Variants in SGCE observed in about 807,000 individuals in gnomAD.
The protein encoded by SGCE is sarcoglycan epsilon.
Under a neutral mutation model 57.8 loss-of-function variants are expected in SGCE, and 26 were observed. The observed-to-expected ratio is 0.45, with a 90% CI of 0.33 to 0.62. The LOEUF is 0.62. Among genes scored for constraint, SGCE ranks in the 20% least tolerant of loss-of-function variants. The pLI, the probability that SGCE is intolerant of heterozygous loss-of-function variation, is 0.02. For missense variants in SGCE, 468 were observed against 548.6 expected, an observed-to-expected ratio of 0.85 and a Z score of 1.47; for synonymous variants, 183 against 189.5, an observed-to-expected ratio of 0.97 and a Z score of 0.28.
chr7:94,639,733 T>C (rs1282074168), intron 1 of SGCE, among the ~76,000 whole-genome samples: 1 of 152,168 alleles, frequency 6.6e-6, no homozygotes, highest in Non-Finnish European at 1.5e-5. Flanking sequence ...CACACACACA[T>C]ATATAATAAA....
At chr7:94,652,356 A>G (rs1007540240) in intron 1 of SGCE, among the ~76,000 whole-genome samples, 12 of 152,342 alleles carry the variant, frequency 7.9e-5, no homozygotes, top group African/African-American at 2.9e-4. Flanking sequence ...AGCAAAAAAG[A>G]AAAAGGAAGA....
At position 94,631,298 on chromosome 7, in the gene SGCE, C is replaced by CTT. The variant is rs570209453; in HGVS notation, c.110-1459_110-1458dup. Reference sequence around the variant, plus strand: ...AAATAGTAAAGATGAGAATTTTATACTTTTTTTTTTTTACCAGTTTGATAC... The same window carrying CTT: ...AAATAGTAAAGATGAGAATTTTATACTTTTTTTTTTTTTTACCAGTTTGATAC... On this transcript the variant is annotated intron_variant, in intron 1 of 10. Coordinates refer to ENST00000648936, the MANE Select transcript of SGCE (RefSeq NM_003919.3). Among the ~76,000 whole-genome samples, 42 of 146,370 alleles carry CTT rather than the reference C, an allele frequency of 2.9e-4. No homozygotes were observed. In the East Asian group the frequency reaches 6.3e-3, roughly 22 times the overall value.
chr7:94,622,719 C>T (rs1803004285), intron 4 of SGCE: 1 of 151,704 alleles, frequency 6.6e-6, no homozygotes, highest in Non-Finnish European at 1.5e-5. Flanking sequence ...TCTGAGAATA[C>T]TTCCTTATCC....
chr7:94,651,969 T>C (rs1386061604), intron 1 of SGCE, among the ~76,000 whole-genome samples: 1 of 152,128 alleles, frequency 6.6e-6, no homozygotes, highest in Non-Finnish European at 1.5e-5. Context: ...ACTGCTACTT[T>C]AGGCTTAATA....
intron 10 of SGCE, chr7:94,586,744 C>T (rs1241668838): frequency 4.7e-5 from 31 of 665,032 alleles, no homozygotes; most frequent in Admixed American, 1.3e-4. Context: ...TCAGGTGATC[C>T]GCCTGCCTTG....
intron 9 of SGCE, chr7:94,590,983 C>T (rs1047588607): frequency 6.6e-6 from 1 of 151,924 alleles, no homozygotes; most frequent in Non-Finnish European, 1.5e-5. Flanking sequence ...AAAGATATTA[C>T]TAGGGAAATA....
At chr7:94,628,134 C>A (rs539038580) in intron 3 of SGCE, 68 bp downstream of exon 3, 42 of 1,075,512 alleles carry the variant, frequency 3.9e-5, no homozygotes, top group Middle Eastern at 4.9e-4. Context: ...ACTCAAATTA[C>A]AATACACACA....
chr7:94,628,179 T>C (rs1327603277), intron 3 of SGCE, 23 bp downstream of exon 3: 1 of 1,588,480 alleles, frequency 6.3e-7, no homozygotes. Flanking sequence ...TGTATAGTTT[T>C]GCTCTTTCTA....
At chr7:94,591,424 T>G (rs1462716387) in intron 9 of SGCE, among the ~76,000 whole-genome samples, 1 of 152,136 alleles carries the variant, frequency 6.6e-6, no homozygotes. Context: ...CCTTACCATC[T>G]CTAGCTCTAC....
At position 94,615,365 on chromosome 7, in the gene SGCE, A is replaced by G. The variant is rs552138191; in HGVS notation, c.662+3393T>C. On this transcript the variant is annotated intron_variant, in intron 5 of 10. Transcript: ENST00000648936. ...CAGAGCAAGACTCTGTCTCAAAATA[A>G]ATAGATAGATAGATAGATAGATAGA... Among the ~76,000 whole-genome samples, 50 of 142,310 alleles carry G rather than the reference A, an allele frequency of 3.5e-4. 1 individual carries two copies. The highest frequency in any genetic ancestry group is 1.2e-3 in the African/African-American group (46 of 37,902). The allele number at this position is 142,310 out of a possible 152,430, so 93.4% of individuals were successfully genotyped here.
chr7:94,600,977 T>TA, intron 6 of SGCE, 120 bp from the exon 7 acceptor site: 1 of 821,178 alleles, frequency 1.2e-6, no homozygotes, highest in South Asian at 1.5e-5. Context: ...CTTTTCCAAT[T>TA]ACTTTATCAC....
chr7:94,590,440 A>G (rs1443736030), intron 9 of SGCE: 1 of 152,132 alleles, frequency 6.6e-6, no homozygotes, highest in African/African-American at 2.4e-5. Flanking sequence ...AAGAACCATC[A>G]TATTTTGTTT....
intron 5 of SGCE, among the ~76,000 whole-genome samples, chr7:94,606,927 C>T (rs765238750): frequency 6.6e-6 from 1 of 151,984 alleles, no homozygotes; most frequent in Non-Finnish European, 1.5e-5. Context: ...AAAAATGAAA[C>T]CATAACTTAT....
intron 9 of SGCE, among the ~76,000 whole-genome samples, chr7:94,593,505 A>C (rs1425638977): frequency 6.6e-6 from 1 of 151,962 alleles, no homozygotes; most frequent in Non-Finnish European, 1.5e-5. Flanking sequence ...TATAATAATA[A>C]ATTATTTTTT....
intron 3 of SGCE, chr7:94,624,108 G>A (rs1435977567): frequency 7.6e-6 from 3 of 394,446 alleles, no homozygotes; most frequent in Non-Finnish European, 1.3e-5. Flanking sequence ...AAAACTTAAG[G>A]CCTATTTAAC....
intron 1 of SGCE, among the ~76,000 whole-genome samples, chr7:94,632,181 A>T (rs1449455441): frequency 6.6e-6 from 1 of 152,004 alleles, no homozygotes; most frequent in African/African-American, 2.4e-5. Context: ...AGGTGGTAAA[A>T]GCTAGCTAAC....
intron 3 of SGCE, chr7:94,624,162 CAAA>C (rs11331999): frequency 1.0e-3 from 355 of 349,464 alleles, no homozygotes; most frequent in Middle Eastern, 1.4e-3. Flanking sequence ...TGCAGTACCT[CAAA>C]AAAAAAAAAA....
intron 1 of SGCE, among the ~76,000 whole-genome samples, chr7:94,649,961 T>C (rs184452615): frequency 2.3e-4 from 35 of 152,328 alleles, no homozygotes; most frequent in African/African-American, 7.9e-4. Flanking sequence ...AAAGGGGTCC[T>C]GTAAGGAAGC....
Position 94,656,117 on chromosome 7 carries a change from G to C in SGCE, c.-19C>G, listed in dbSNP as rs997380461. 2.1e-6 allele frequency: 3 copies of C among 1,439,846 alleles called. No individual in the cohort carries two copies. The African/African-American group carries it at 4.2e-5, about 20-fold the overall frequency. 89.2% of individuals were successfully genotyped at this position (1,439,846 alleles called of 1,614,324 possible). A position where few individuals can be genotyped will look rare whatever the true frequency, so the allele number is the denominator to read the frequency against. ...ATTGCATTCTTGGCCTGGCTAGGCC[G>C]TCCGTCCTCGATTCTCCCCTCCCCT... is the stretch of plus-strand genomic sequence containing the variant. On this transcript the variant is annotated 5_prime_UTR_variant, in exon 1 of 11. Transcript: ENST00000648936.
Sources: allele counts gnomAD v4.1 joint callset (sites outside exome capture counted in the v4.1 genomes callset), GRCh38; gene constraint gnomAD v4.1.1; transcripts MANE v1.5; gene names NCBI Gene and HGNC (gene_info 2026-07-23, HGNC 2026-07-21).